Variants in AHRR observed in about 807,000 individuals in gnomAD.
AHRR encodes the protein aryl hydrocarbon receptor repressor.
A neutral mutation model predicts 44.0 loss-of-function variants in AHRR; 28 were observed. The observed-to-expected ratio is 0.64, with a 90% confidence interval of 0.47 to 0.87. The LOEUF (loss-of-function observed/expected upper bound fraction) is 0.87, where lower values mean the gene tolerates loss of function less well. Among genes scored for constraint, AHRR ranks in the 40% least tolerant of loss-of-function variants. The pLI, the probability that AHRR is intolerant of heterozygous loss-of-function variation, is 0.00. For missense variants in AHRR, 990 were observed against 953.9 expected (o/e 1.04, Z -0.50); for synonymous variants, 434 against 407.0 (o/e 1.07, Z -0.80).
Position 406,641 on chromosome 5 carries a change from G to T in AHRR, c.352-6703G>T, listed in dbSNP as rs1485915118. ...ATTCACAGAGGTTAGGAAAACGCTG[G>T]TGCAAAAATACGATGCAGGCAGCTC... On this transcript the variant is annotated intron_variant, in intron 4 of 10. Coordinates refer to ENST00000684583, the MANE Select transcript of AHRR (RefSeq NM_001377236.1). This position sits in a 1 kb window ranked among gnomAD's most constrained non-coding sequence, Gnocchi z 4.7. 1.3e-5 allele frequency among the ~76,000 whole-genome samples: 2 copies of T among 152,188 alleles called. No homozygotes were observed. The highest frequency in any genetic ancestry group is 2.9e-5 in the Non-Finnish European group (2 of 68,038).
In AHRR at chr5:344,407, C is replaced by T. The variant is rs147910845; in HGVS notation, c.62+443C>T. Among the ~76,000 whole-genome samples, 116 of 15,210 alleles carry T rather than the reference C, an allele frequency of 7.6e-3. 5 individuals are homozygous for T. Among genetic ancestry groups the T allele is most frequent in the African/African-American group, 9.0e-3 (28 of 3,112 alleles). The allele number at this position is 15,210 out of a possible 152,430, so 10.0% of individuals were successfully genotyped here. A position where few individuals can be genotyped will look rare whatever the true frequency, so the allele number is the denominator to read the frequency against. ...GTGTGTCTGCGGGTGGGGAGGGCTGCGGGGGTGTGTGCGGTATGTGTGAGG... is the reference window on the plus strand; with the variant it reads ...GTGTGTCTGCGGGTGGGGAGGGCTGTGGGGGTGTGTGCGGTATGTGTGAGG... On this transcript the variant is annotated intron_variant, in intron 2 of 10. Coordinates refer to ENST00000684583, the MANE Select transcript of AHRR (RefSeq NM_001377236.1).
chr5:434,051 C>CTG lies in AHRR; in HGVS notation c.1311_1312insTG (p.Pro438CysfsTer74). ...TGCCCCGCGGCTCCTGCCTGCCCTG[C>CTG]CCGTGTGTCCAGGGCACTTTCAGGA... On this transcript the variant is annotated frameshift_variant, in exon 11 of 11. Transcript: ENST00000684583. 6.2e-7 allele frequency: 1 copy of CTG among 1,612,208 alleles called. No individual in the cohort carries two copies. The highest frequency in any genetic ancestry group is 8.5e-7 in the Non-Finnish European group (1 of 1,179,628).
Position 432,460 on chromosome 5 carries a change from C to A in AHRR, c.909-3C>A. ...GTCACATGTTCATCTGTGTTCTTCA[C>A]AGAGTAAAAGCCACCACCAGTCTGT... On this transcript the variant is annotated splice_polypyrimidine_tract_variant and splice_region_variant and intron_variant, in intron 8 of 10. Transcript: ENST00000684583. The A allele has an allele frequency of 6.2e-7, 1 of 1,614,118 alleles. No individual in the cohort carries two copies. The highest frequency in any genetic ancestry group is 1.1e-5 in the South Asian group (1 of 91,086).
intron 1 of AHRR, among the ~76,000 whole-genome samples, chr5:335,618 T>C (rs1171508393): frequency 2.0e-5 from 3 of 152,184 alleles, no homozygotes; most frequent in African/African-American, 4.8e-5. Context: ...TCAGGGCCCA[T>C]GGCAGAATGC....
At chr5:403,821 C>T (rs746087738) in intron 4 of AHRR, 79 of 1,533,178 alleles carry the variant, frequency 5.2e-5, no homozygotes, top group Non-Finnish European at 6.1e-5. Flanking sequence ...CTCGATATGC[C>T]TTCTCTTCCT....
At chr5:344,260 C>T (rs1048726801) in intron 2 of AHRR, among the ~76,000 whole-genome samples, 6 of 150,888 alleles carry the variant, frequency 4.0e-5, no homozygotes, top group South Asian at 2.1e-4. Context: ...CTCCGGGCGG[C>T]AGAGGCGGAG....
At chr5:351,689 G>A (rs1742864554) in intron 2 of AHRR, among the ~76,000 whole-genome samples, 1 of 152,206 alleles carries the variant, frequency 6.6e-6, no homozygotes, top group Non-Finnish European at 1.5e-5. Flanking sequence ...GGCCCTAAGT[G>A]ACATTGAACT....
In AHRR at chr5:353,776, C is replaced by T. The variant is rs755882103; in HGVS notation, c.109C>T (p.Arg37Trp). 1.1e-5 allele frequency: 18 copies of T among 1,613,358 alleles called. No homozygotes were observed. The highest frequency in any genetic ancestry group is 5.0e-5 in the Admixed American group (3 of 59,990). The stretch of plus-strand genomic sequence containing the variant: ...GAAGTCCAACCCCTCCAAGCGACAC[C>T]GGGACCGCCTCAACGCCGAGTTGGA... The part of the protein sequence containing the change: ...AEKSNPSKRH[R>W]DRLNAELDHL... The change falls in exon 3 of 11, where the codon CGG (arginine) becomes TGG (tryptophan). Residue 37 changes from arginine (R) to tryptophan (W), a missense_variant. Coordinates refer to ENST00000684583, the MANE Select transcript of AHRR (RefSeq NM_001377236.1).
chr5:374,573 T>C (rs1743710594), intron 3 of AHRR, among the ~76,000 whole-genome samples: 1 of 152,140 alleles, frequency 6.6e-6, no homozygotes. Flanking sequence ...GCAGTTTTTG[T>C]TACATTTAGT....
chr5:376,462 T>C, intron 3 of AHRR, 148 bp from the exon 4 acceptor site: 3 of 14,178 alleles, frequency 2.1e-4, no homozygotes, highest in Non-Finnish European at 1.5e-3. Flanking sequence ...GAATGCTGCG[T>C]GGCCTGCAGA....
chr5:333,776 C>T (rs1742023148), intron 1 of AHRR, among the ~76,000 whole-genome samples: 1 of 152,080 alleles, frequency 6.6e-6, no homozygotes, highest in Non-Finnish European at 1.5e-5. Flanking sequence ...GTAGCAGTGC[C>T]ATTTGATTCC....
intron 4 of AHRR, among the ~76,000 whole-genome samples, chr5:391,325 G>C (rs369019839): frequency 1.9e-4 from 25 of 131,118 alleles, no homozygotes; most frequent in African/African-American, 6.9e-4. Context: ...GAGCGTGCAC[G>C]GGCGCAGGGC....
chr5:364,780 G>A (rs1043585896), intron 3 of AHRR, among the ~76,000 whole-genome samples: 2 of 152,014 alleles, frequency 1.3e-5, no homozygotes, highest in Non-Finnish European at 2.9e-5. Context: ...GGTACAGAAA[G>A]GATGAAAGTA....
chr5:422,400 C>A, intron 5 of AHRR: 1 of 376,946 alleles, frequency 2.7e-6, no homozygotes. Flanking sequence ...ACAAAGAGTC[C>A]AAGTCGACAG....
rs112396401 is a variant in AHRR at position 390,527 on chromosome 5, C to G, written c.351+13811C>G. 3.9e-5 allele frequency among the ~76,000 whole-genome samples: 6 copies of G among 152,188 alleles called. 1 individual carries two copies. Among genetic ancestry groups the G allele is most frequent in the African/African-American group, 1.4e-4 (6 of 41,488 alleles). On this transcript the variant is annotated intron_variant, in intron 4 of 10. Transcript: ENST00000684583. ...CTAACGATCCCGGAGAAGCATTTGA[C>G]GTTAACGCTGAAGAGGTCTTTCCAT...
chr5:422,700 G>C, intron 5 of AHRR, 29 bp from the exon 6 acceptor site: 2 of 1,614,056 alleles, frequency 1.2e-6, no homozygotes, highest in Non-Finnish European at 1.7e-6. Context: ...TTGGGGTAAG[G>C]CTGAAATAAT....
In AHRR at chr5:403,538, C is replaced by A. The variant is rs537190778; in HGVS notation, c.352-9806C>A. 8.4e-4 allele frequency among the ~76,000 whole-genome samples: 127 copies of A among 151,160 alleles called. 3 individuals are homozygous for A. The Middle Eastern group carries it at 0.021, about 24-fold the overall frequency. On this transcript the variant is annotated intron_variant, in intron 4 of 10. Transcript: ENST00000684583. ...GTAATCCCAGCTACTCGGGAGGCTG[C>A]AGCAGGAGAACTGCTTGAACCTGGG...
intron 3 of AHRR, 55 bp from the exon 4 acceptor site, chr5:376,555 A>ACCGTCGGGT: frequency 2.1e-6 from 3 of 1,428,916 alleles, no homozygotes; most frequent in Non-Finnish European, 2.8e-6. Context: ...TGAATGAAGA[A>ACCGTCGGGT]GAGTGGCCAG....
chr5:379,215 G>T (rs1733875836), intron 4 of AHRR, among the ~76,000 whole-genome samples: 1 of 152,184 alleles, frequency 6.6e-6, no homozygotes, highest in South Asian at 2.1e-4. Flanking sequence ...TCACCAGCTG[G>T]TTTCTTGTTG....
Sources: gnomAD v4.1 joint callset for allele counts (sites outside exome capture counted in the v4.1 genomes callset) on GRCh38, gnomAD v4.1.1 for gene constraint, Gnocchi (gnomAD v3.1) non-coding constraint, MANE v1.5 for transcripts, NCBI Gene and HGNC (gene_info 2026-07-23, HGNC 2026-07-21) for gene names.